Variants in DAB1 observed in about 807,000 individuals in gnomAD.
DAB1 encodes the protein DAB adaptor protein 1, also known as disabled homolog 1.
A neutral mutation model predicts 64.6 loss-of-function variants in DAB1; 15 were observed. The ratio of observed to expected loss-of-function variants is 0.23; its 90% CI spans 0.16 to 0.36. DAB1 has a LOEUF of 0.36. Among genes scored for constraint, DAB1 ranks in the 10% least tolerant of loss-of-function variants. The pLI is 1.00. For synonymous variants in DAB1, 235 were observed against 251.9 expected (o/e 0.93, Z 0.64); for missense variants, 596 against 706.7 (o/e 0.84, Z 1.78).
intron 2 of DAB1, among the ~76,000 whole-genome samples, chr1:57,206,495 T>C (rs1411653181): frequency 1.3e-5 from 2 of 152,256 alleles, no homozygotes; most frequent in African/African-American, 4.8e-5. Context: ...CTCCCTTTTA[T>C]ACATAAGTTA....
chr1:57,684,650 C>T (rs1646673464), intron 6 of DAB1, among the ~76,000 whole-genome samples: 1 of 152,084 alleles, frequency 6.6e-6, no homozygotes, highest in Admixed American at 6.6e-5. Flanking sequence ...AGAATGACAC[C>T]TTCTACCACA....
intron 7 of DAB1, among the ~76,000 whole-genome samples, chr1:57,439,646 C>T (rs556889192): frequency 0.25 from 28,372 of 112,370 alleles, 5,106 homozygotes; most frequent in African/African-American, 0.39. Flanking sequence ...CCAGGATGGT[C>T]TTGATCTTCT....
chr1:58,229,352 C>T (rs76087135), intron 4 of DAB1, among the ~76,000 whole-genome samples: 3,546 of 152,258 alleles, frequency 0.023, 55 homozygotes, highest in African/African-American at 0.04. Flanking sequence ...CGAGTAAAGG[C>T]AAATACACTT....
chr1:57,120,333 A>G (rs979365479), intron 4 of DAB1, among the ~76,000 whole-genome samples: 1 of 152,108 alleles, frequency 6.6e-6, no homozygotes, highest in Non-Finnish European at 1.5e-5. Flanking sequence ...TCTATCTACA[A>G]GGTAAGGGTT....
chr1:57,017,384 C>T (rs998508830), intron 11 of DAB1, among the ~76,000 whole-genome samples: 8 of 152,082 alleles, frequency 5.3e-5, no homozygotes, highest in African/African-American at 1.7e-4. Context: ...AATGGGTGGG[C>T]GTTACGGCAT....
At position 57,015,122 on chromosome 1, in the gene DAB1, T is replaced by C. The variant is rs1347270520; in HGVS notation, c.1205A>G (p.Gln402Arg). The change falls in exon 12 of 15, where the codon CAG becomes CGG. Residue 402 changes from glutamine (Q) to arginine (R), a missense_variant. By Grantham distance (43) the Gln-to-Arg change is conservative. Transcript: ENST00000371236. Reference protein sequence around the residue: ...GTSDSTRSSPQTDKPRQKMGK... With the variant: ...GTSDSTRSSPRTDKPRQKMGK... ...CATTTTCTGCCTGGGCTTGTCGGTC[T>C]GTGGACTTGACCTGGTGGAGTCACT... 1 of 1,614,214 alleles carries C rather than the reference T, an allele frequency of 6.2e-7. No homozygotes were observed. Among genetic ancestry groups the C allele is most frequent in the Admixed American group, 1.7e-5 (1 of 60,024 alleles).
At chr1:58,144,470 T>C (rs1654479243) in intron 5 of DAB1, among the ~76,000 whole-genome samples, 2 of 152,248 alleles carry the variant, frequency 1.3e-5, no homozygotes, top group South Asian at 4.1e-4. Flanking sequence ...TCATTACTAA[T>C]AGCTAAGATT....
chr1:57,839,565 C>T (rs542353627), intron 1 of DAB1, among the ~76,000 whole-genome samples: 5 of 152,318 alleles, frequency 3.3e-5, no homozygotes, highest in African/African-American at 4.8e-5. Flanking sequence ...TAAAATACTT[C>T]GTTTAATCCT....
intron 2 of DAB1, among the ~76,000 whole-genome samples, chr1:57,281,890 T>G (rs1341239737): frequency 6.6e-6 from 1 of 151,972 alleles, no homozygotes; most frequent in Admixed American, 6.6e-5. Flanking sequence ...ATTGAGGATG[T>G]TAGGAAACTC....
chr1:57,348,050 A>G (rs961289724), intron 1 of DAB1, among the ~76,000 whole-genome samples: 1 of 152,220 alleles, frequency 6.6e-6, no homozygotes, highest in Non-Finnish European at 1.5e-5. Context: ...TTTGATCATC[A>G]TGACCTGGAA....
intron 1 of DAB1, among the ~76,000 whole-genome samples, chr1:57,329,680 A>AAAAAC (rs1553168763): frequency 2.1e-5 from 3 of 141,616 alleles, no homozygotes; most frequent in African/African-American, 5.3e-5. Flanking sequence ...AAAAAAAAAA[A>AAAAAC]CCCACAAAAC....
intron 3 of DAB1, among the ~76,000 whole-genome samples, chr1:58,364,344 G>A (rs1644195922): frequency 6.6e-6 from 1 of 152,208 alleles, no homozygotes; most frequent in South Asian, 2.1e-4. Flanking sequence ...ACAGAAACTA[G>A]AATAGCAAAC....
rs541180331 is a variant in DAB1, at chr1:58,517,188, A to C, written n.107+10073T>G. Among the ~76,000 whole-genome samples the C allele has an allele frequency of 5.3e-5, 8 of 152,336 alleles. No individual in the cohort carries two copies. The South Asian group carries it at 1.5e-3, about 28-fold the overall frequency. On this transcript the variant is annotated intron_variant and non_coding_transcript_variant, in intron 2 of 20. Coordinates refer to the DAB1 transcript ENST00000485760. The stretch of plus-strand genomic sequence containing the variant: ...TTGCTACAGTCATGTGGAGGAGACA[A>C]GAGCTCAAACACACATCTGGACTAC...
At chr1:57,217,854 C>T (rs896940148) in intron 2 of DAB1, among the ~76,000 whole-genome samples, 3 of 152,018 alleles carry the variant, frequency 2.0e-5, no homozygotes, top group Admixed American at 6.6e-5. Context: ...CCCCACTATC[C>T]AGCTACACCT....
At chr1:58,489,512 G>A (rs547659184) in intron 3 of DAB1, among the ~76,000 whole-genome samples, 8 of 152,188 alleles carry the variant, frequency 5.3e-5, no homozygotes, top group Non-Finnish European at 5.9e-5. Flanking sequence ...CTCCACCTCT[G>A]GGGGCAGGGC....
Position 58,087,088 on chromosome 1 carries a change from A to G in DAB1, n.387+63423T>C, listed in dbSNP as rs143875895. Among the ~76,000 whole-genome samples, 5 of 152,330 alleles carry G rather than the reference A, an allele frequency of 3.3e-5. No individual in the cohort carries two copies. In the East Asian group the frequency reaches 7.7e-4, roughly 24 times the overall value. Reference sequence around the variant, plus strand: ...CAAAATGTGTAATTTTCCTAAGTCTACATTTCCTCTAATATATAATGGAAA... The same window carrying G: ...CAAAATGTGTAATTTTCCTAAGTCTGCATTTCCTCTAATATATAATGGAAA... On this transcript the variant is annotated intron_variant and non_coding_transcript_variant, in intron 5 of 20. Coordinates refer to the DAB1 transcript ENST00000485760.
intron 1 of DAB1, among the ~76,000 whole-genome samples, chr1:57,385,553 A>G (rs944114045): frequency 1.3e-5 from 2 of 152,200 alleles, no homozygotes; most frequent in African/African-American, 4.8e-5. Flanking sequence ...CCTGCCTTGA[A>G]GGAGACACAG....
At chr1:58,281,125 G>T (rs1661553330) in intron 4 of DAB1, among the ~76,000 whole-genome samples, 1 of 152,208 alleles carries the variant, frequency 6.6e-6, no homozygotes, top group South Asian at 2.1e-4. Context: ...ACGAAGGACA[G>T]TAATGATACA....
intron 5 of DAB1, among the ~76,000 whole-genome samples, chr1:57,913,642 T>A (rs1314340277): frequency 6.6e-6 from 1 of 152,072 alleles, no homozygotes; most frequent in Admixed American, 6.5e-5. Flanking sequence ...GAAACTACCA[T>A]CAGAGTGAAC....
Sources: gnomAD v4.1 joint callset for allele counts (sites outside exome capture counted in the v4.1 genomes callset) on GRCh38, gnomAD v4.1.1 for gene constraint, MANE v1.5 for transcripts, NCBI Gene and HGNC (gene_info 2026-07-23, HGNC 2026-07-21) for gene names.